The following RGS5 variants were observed in gnomAD, a reference collection of about 807,000 sequenced individuals.
RGS5 encodes regulator of G protein signaling 5.
A neutral mutation model predicts 18.9 loss-of-function variants in RGS5; 20 were observed. The observed-to-expected ratio is 1.06, with a 90% confidence interval of 0.74 to 1.54. The LOEUF (loss-of-function observed/expected upper bound fraction) is 1.54, where lower values mean the gene tolerates loss of function less well. Among genes scored for constraint, RGS5 ranks in the 40% most tolerant of loss-of-function variants. The pLI, the probability that RGS5 is intolerant of heterozygous loss-of-function variation, is 0.00. For synonymous variants in RGS5, 57 were observed against 76.2 expected, an observed-to-expected ratio of 0.75 and a Z score of 1.31; for missense variants, 201 against 211.8, an observed-to-expected ratio of 0.95 and a Z score of 0.32.
chr1:163,164,118 T>C (rs2063140), intron 2 of RGS5, among the ~76,000 whole-genome samples: 85,936 of 151,932 alleles, frequency 0.57, 26,291 homozygotes, highest in South Asian at 0.72. Flanking sequence ...TCAAGTAGGA[T>C]ACATCCCCCA....
upstream of RGS5, chr1:163,217,764 G>A: frequency 1.2e-6 from 1 of 842,954 alleles, no homozygotes; most frequent in Middle Eastern, 2.3e-4. Flanking sequence ...TTCTACCATT[G>A]TGCGAAACTT....
intron 2 of RGS5, among the ~76,000 whole-genome samples, chr1:163,277,420 A>G (rs1648884661): frequency 6.6e-6 from 1 of 152,202 alleles, no homozygotes; most frequent in East Asian, 1.9e-4. Context: ...ATTGATTGAT[A>G]CTTGTATCAG....
chr1:163,313,581 A>G (rs1284962015), intron 1 of RGS5, among the ~76,000 whole-genome samples: 3 of 152,172 alleles, frequency 2.0e-5, no homozygotes, highest in Non-Finnish European at 4.4e-5. Context: ...AACCCACCCA[A>G]AGGCTTATGG....
chr1:163,249,201 T>C (rs10799904), intron 2 of RGS5, among the ~76,000 whole-genome samples: 30,060 of 151,326 alleles, frequency 0.2, 3,392 homozygotes, highest in Non-Finnish European at 0.25. Context: ...TTCACTTCAA[T>C]ATTATCTTCT....
At chr1:163,261,006 T>C (rs913671641) in intron 2 of RGS5, among the ~76,000 whole-genome samples, 1 of 152,208 alleles carries the variant, frequency 6.6e-6, no homozygotes, top group Non-Finnish European at 1.5e-5. Context: ...AAGATACAAA[T>C]GAATGAAGTT....
intron 2 of RGS5, chr1:163,304,919 G>A (rs1649655662): frequency 6.6e-6 from 1 of 152,196 alleles, no homozygotes; most frequent in East Asian, 1.9e-4. Flanking sequence ...GTGTTTATAA[G>A]ATAGAGCGTT....
intron 1 of RGS5, among the ~76,000 whole-genome samples, chr1:163,216,420 C>G (rs1047077575): frequency 2.6e-4 from 39 of 152,214 alleles, no homozygotes; most frequent in African/African-American, 8.7e-4. Context: ...CAGATGGGCT[C>G]CAGCCTTCAC....
At position 163,261,149 on chromosome 1, in the gene RGS5, T is replaced by C. The variant is rs185580874; in HGVS notation, c.-281+45084A>G. On this transcript the variant is annotated intron_variant, in intron 2 of 5. Transcript: ENST00000618415. ...CTGCTGGGATGGTACAAACGTTGTG[T>C]GCTTCCTCTTCTTTCCCCAGTTTGA... Among the ~76,000 whole-genome samples, 352 of 152,336 alleles carry C rather than the reference T, an allele frequency of 2.3e-3. 2 individuals are homozygous for C. The highest frequency in any genetic ancestry group is 8.0e-3 in the African/African-American group (331 of 41,566).
upstream of RGS5, chr1:163,203,038 G>T: frequency 1.8e-6 from 1 of 546,446 alleles, no homozygotes; most frequent in Non-Finnish European, 3.3e-6. Flanking sequence ...GGGCCCTGAG[G>T]TGGAGGAGGG....
At chr1:163,318,605 C>T (rs1650093302) in intron 1 of RGS5, among the ~76,000 whole-genome samples, 2 of 151,848 alleles carry the variant, frequency 1.3e-5, no homozygotes, top group South Asian at 2.1e-4. Flanking sequence ...GGACAGTGCT[C>T]ACAGGGAAGA....
rs370060964 is a variant in RGS5 at position 163,164,598 on chromosome 1, G to A, written c.156-2622C>T. On this transcript the variant is annotated intron_variant, in intron 2 of 4. Coordinates refer to ENST00000313961, the MANE Select transcript of RGS5 (RefSeq NM_003617.4). ...TTCCCATTTCACCCTATCCTGTGGTGTACCCTTACAGCATCAATCCACCTT... is the reference window on the plus strand; with the variant it reads ...TTCCCATTTCACCCTATCCTGTGGTATACCCTTACAGCATCAATCCACCTT... Among the ~76,000 whole-genome samples the A allele has an allele frequency of 5.9e-4, 90 of 152,294 alleles. No homozygotes were observed. The South Asian group carries it at 0.016, about 27-fold the overall frequency.
intron 1 of RGS5, among the ~76,000 whole-genome samples, chr1:163,194,232 A>ATTCTTT (rs1659471319): frequency 6.6e-6 from 1 of 152,148 alleles, no homozygotes; most frequent in Non-Finnish European, 1.5e-5. Context: ...AAGTCTTTTA[A>ATTCTTT]AGAAATATGG....
exon 1 of RGS5, chr1:163,321,682 C>T (rs1650215917): frequency 6.6e-6 from 1 of 152,216 alleles, no homozygotes; most frequent in Non-Finnish European, 1.5e-5. Context: ...TGGTTTTGCT[C>T]TTCAACTCGG....
At chr1:163,233,578 C>T (rs998784973) in intron 2 of RGS5, among the ~76,000 whole-genome samples, 11 of 152,292 alleles carry the variant, frequency 7.2e-5, no homozygotes, top group African/African-American at 2.6e-4. Flanking sequence ...AGCAATAAAG[C>T]TTTTAATCAC....
At chr1:163,154,240 C>A (rs754785244) in intron 3 of RGS5, among the ~76,000 whole-genome samples, 6 of 152,144 alleles carry the variant, frequency 3.9e-5, no homozygotes, top group Non-Finnish European at 7.3e-5. Flanking sequence ...TGATTTCACA[C>A]AAGCATAAAA....
At chr1:163,289,900 G>A (rs145538630) in intron 2 of RGS5, among the ~76,000 whole-genome samples, 475 of 152,224 alleles carry the variant, frequency 3.1e-3, no homozygotes, top group African/African-American at 9.7e-3. Flanking sequence ...GCAAGCATAG[G>A]TAAGCAAGCT....
chr1:163,152,993 A>C (rs989661683), intron 3 of RGS5, among the ~76,000 whole-genome samples: 1 of 152,156 alleles, frequency 6.6e-6, no homozygotes, highest in Non-Finnish European at 1.5e-5. Context: ...TGTCTTTCCA[A>C]ACAATCAAAT....
intron 2 of RGS5, among the ~76,000 whole-genome samples, chr1:163,303,778 T>C (rs78447487): frequency 0.05 from 7,562 of 152,184 alleles, 222 homozygotes; most frequent in South Asian, 0.094. Context: ...CTGAGCTCCA[T>C]CTCCCATGAG....
upstream of RGS5, among the ~76,000 whole-genome samples, chr1:163,204,230 G>GT (rs990570969): frequency 2.6e-5 from 4 of 151,988 alleles, no homozygotes; most frequent in African/African-American, 9.7e-5. Context: ...CAATATGTAA[G>GT]TGTGCACAGG....
Sources: allele counts gnomAD v4.1 joint callset (sites outside exome capture counted in the v4.1 genomes callset), GRCh38; gene constraint gnomAD v4.1.1; transcripts MANE v1.5; gene names NCBI Gene and HGNC (gene_info 2026-07-23, HGNC 2026-07-21).